C12orf50: variants seen among roughly 807,000 people sequenced by gnomAD.
C12orf50 encodes uncharacterized protein C12orf50.
C12orf50 carries 35 observed loss-of-function variants against 61.6 expected under a neutral mutation model. The ratio of observed to expected loss-of-function variants is 0.57; its 90% confidence interval spans 0.43 to 0.75. The LOEUF is 0.75. Ranked by LOEUF, C12orf50 falls within the 30% of genes least tolerant of loss-of-function variation. The pLI is 0.00. For synonymous variants in C12orf50, 178 were observed against 161.5 expected, an observed-to-expected ratio of 1.10 and a Z score of -0.77; for missense variants, 475 against 488.5, an observed-to-expected ratio of 0.97 and a Z score of 0.26.
intron 11 of C12orf50, chr12:87,984,129 T>G (rs947222476): frequency 2.0e-5 from 3 of 152,068 alleles, no homozygotes; most frequent in Admixed American, 1.3e-4. Flanking sequence ...TTTGCATTTC[T>G]CTGATGGCCA....
intron 3 of C12orf50, among the ~76,000 whole-genome samples, chr12:88,019,738 AAAG>A (rs2032446381): frequency 6.6e-6 from 1 of 152,176 alleles, no homozygotes; most frequent in African/African-American, 2.4e-5. Flanking sequence ...GAAGAAAAAC[AAAG>A]AAACCAAGTT....
At chr12:87,986,199 T>TA in intron 10 of C12orf50, 113 bp downstream of exon 10, 1 of 1,218,694 alleles carries the variant, frequency 8.2e-7, no homozygotes, top group Non-Finnish European at 1.1e-6. Flanking sequence ...AGTTGACCCC[T>TA]AAAGTAACAT....
chr12:88,029,021 T>TA (rs756451159), intron 1 of C12orf50: 1 of 1,087,836 alleles, frequency 9.2e-7, no homozygotes, highest in African/African-American at 1.7e-5. Context: ...TTCATTCTAC[T>TA]AAAAAGATTA....
At chr12:88,030,112 T>TAAATGTATTAG, upstream of C12orf50, 1 of 158,740 alleles carries the variant, frequency 6.3e-6, no homozygotes, top group South Asian at 2.0e-4. Flanking sequence ...AATGTATTAG[T>TAAATGTATTAG]CCGTTTTCAT....
intron 3 of C12orf50, among the ~76,000 whole-genome samples, chr12:88,018,080 A>G (rs2032376801): frequency 6.6e-6 from 1 of 152,262 alleles, no homozygotes; most frequent in Admixed American, 6.5e-5. Flanking sequence ...AATCCCCAAG[A>G]TAATGGGGAA....
intron 8 of C12orf50, among the ~76,000 whole-genome samples, chr12:87,988,210 T>C (rs2136410202): frequency 1.3e-5 from 2 of 152,244 alleles, no homozygotes; most frequent in South Asian, 4.1e-4. Context: ...AAATAAAAAA[T>C]CGTGGCAGTA....
At chr12:88,023,627 C>T (rs962745677) in intron 3 of C12orf50, among the ~76,000 whole-genome samples, 13 of 148,812 alleles carry the variant, frequency 8.7e-5, no homozygotes, top group African/African-American at 3.0e-4. Context: ...GAGATCACAC[C>T]GTTGCACTCC....
intron 3 of C12orf50, among the ~76,000 whole-genome samples, chr12:88,025,236 C>T (rs2136503448): frequency 6.6e-6 from 1 of 152,114 alleles, no homozygotes; most frequent in South Asian, 2.1e-4. Flanking sequence ...TGTCTAGTTA[C>T]CAAGTGGAAG....
chr12:87,996,723 C>T, intron 4 of C12orf50, 77 bp from the exon 5 acceptor site: 1 of 1,038,102 alleles, frequency 9.6e-7, no homozygotes, highest in Admixed American at 2.1e-5. Context: ...GAAAGGAAAA[C>T]CCCAAATACT....
At chr12:88,003,128 G>C (rs564804244) in intron 3 of C12orf50, among the ~76,000 whole-genome samples, 29 of 143,614 alleles carry the variant, frequency 2.0e-4, no homozygotes, top group Middle Eastern at 6.8e-3. Flanking sequence ...TCTATAAACA[G>C]AGACTATTAA....
chr12:87,980,537 T>A (rs1365476146), intron 12 of C12orf50, among the ~76,000 whole-genome samples, 181 bp from the exon 13 acceptor site: 3 of 152,156 alleles, frequency 2.0e-5, no homozygotes, highest in Non-Finnish European at 4.4e-5. Flanking sequence ...ATTCTTACTA[T>A]GTTTTGCATT....
intron 9 of C12orf50, among the ~76,000 whole-genome samples, chr12:87,987,426 G>T (rs1015841905): frequency 1.1e-4 from 16 of 152,116 alleles, no homozygotes; most frequent in Non-Finnish European, 2.4e-4. Context: ...AAGGAAGAAG[G>T]GAAGGGATCA....
At chr12:88,006,954 T>G (rs947797101) in intron 3 of C12orf50, among the ~76,000 whole-genome samples, 5 of 152,166 alleles carry the variant, frequency 3.3e-5, no homozygotes, top group African/African-American at 1.2e-4. Context: ...TTTTATTGAA[T>G]TAATACGATT....
At chr12:88,021,500 T>C (rs2032515671) in intron 3 of C12orf50, among the ~76,000 whole-genome samples, 1 of 152,062 alleles carries the variant, frequency 6.6e-6, no homozygotes, top group Admixed American at 6.6e-5. Context: ...TAGTCAGGCA[T>C]GGTGGTGCAT....
Position 87,987,891 on chromosome 12 carries a change from G to A in C12orf50, c.776C>T (p.Thr259Ile), listed in dbSNP as rs749592930. 3.7e-6 allele frequency: 6 copies of A among 1,611,182 alleles called. No homozygotes were observed. Among genetic ancestry groups the A allele is most frequent in the East Asian group, 2.2e-5 (1 of 44,740 alleles). ...LVPTTHVLNA[T>I]ENISMKCRED... ...TCTGCACTTCATACTGATATTCTCA[G>A]TAGCATTTAATACATGCGTTGTAGG... The change falls in exon 9 of 13, where the codon ACT becomes ATT. Residue 259 changes from threonine (T) to isoleucine (I), a missense_variant. Physicochemically the swap from Thr to Ile is moderately conservative, Grantham distance 89. Coordinates refer to ENST00000298699, the MANE Select transcript of C12orf50 (RefSeq NM_152589.3).
intron 7 of C12orf50, among the ~76,000 whole-genome samples, chr12:87,989,684 A>G (rs1257151985): frequency 6.6e-6 from 1 of 152,140 alleles, no homozygotes; most frequent in Non-Finnish European, 1.5e-5. Flanking sequence ...AATGTAATTT[A>G]TCTTCCATAT....
In C12orf50 at chr12:87,996,607, T is replaced by G; in HGVS notation, c.329A>C (p.Glu110Ala). ...CATCTCCTTTATTGCTCTTTTTTCTTCAATTTCTTCAGGGGTCTTTGTCCA... is the reference window on the plus strand; with the variant it reads ...CATCTCCTTTATTGCTCTTTTTTCTGCAATTTCTTCAGGGGTCTTTGTCCA... The part of the protein sequence containing the change: ...SLWTKTPEEI[E>A]EKRAIKEMCY... The change falls in exon 5 of 13, where the codon GAA (glutamate) becomes GCA (alanine). Residue 110 changes from glutamate to alanine, a missense_variant. Coordinates refer to ENST00000298699, the MANE Select transcript of C12orf50 (RefSeq NM_152589.3). 6.2e-7 allele frequency: 1 copy of G among 1,610,002 alleles called. No homozygotes were observed. Among genetic ancestry groups the G allele is most frequent in the Non-Finnish European group, 8.5e-7 (1 of 1,176,718 alleles).
intron 3 of C12orf50, among the ~76,000 whole-genome samples, 171 bp downstream of exon 3, chr12:88,026,317 T>C (rs1476081339): frequency 6.6e-6 from 1 of 152,238 alleles, no homozygotes; most frequent in Non-Finnish European, 1.5e-5. Context: ...AGTTACTTAA[T>C]GGTTCATTCT....
At chr12:88,006,078 C>T (rs142776335) in intron 3 of C12orf50, among the ~76,000 whole-genome samples, 3,507 of 151,822 alleles carry the variant, frequency 0.023, 140 homozygotes, top group African/African-American at 0.079. Flanking sequence ...CACCACGCCC[C>T]GCTAATTTTT....
Sources: gnomAD v4.1 joint callset for allele counts (sites outside exome capture counted in the v4.1 genomes callset) on GRCh38, gnomAD v4.1.1 for gene constraint, MANE v1.5 for transcripts, NCBI Gene and HGNC (gene_info 2026-07-23, HGNC 2026-07-21) for gene names.